The following IL17D variants were observed in gnomAD, a reference collection of about 807,000 sequenced individuals.
IL17D encodes interleukin-17D.
In IL17D, 10 loss-of-function variants were observed where a neutral mutation model predicts 5.7. The observed-to-expected ratio is 1.75, with a 90% CI of 1.08 to 2.97. The LOEUF (loss-of-function observed/expected upper bound fraction) is 2.97. IL17D is among the 30% of genes most tolerant of loss of function. The pLI, the probability that IL17D is intolerant of heterozygous loss-of-function variation, is 0.00. For missense variants in IL17D, 354 were observed against 292.7 expected (o/e 1.21, Z -1.53); for synonymous variants, 172 against 141.7 (o/e 1.21, Z -1.52).
chr13:20,718,574 C>T (rs2058699441), intron 1 of IL17D, among the ~76,000 whole-genome samples: 2 of 140,504 alleles, frequency 1.4e-5, no homozygotes, highest in Admixed American at 7.1e-5. Context: ...CCTGCCCATG[C>T]TCACACCTGC....
Position 20,723,015 on chromosome 13 carries a change from A to G in IL17D, c.*1061A>G, listed in dbSNP as rs1449948369. 6.6e-6 allele frequency: 1 copy of G among 152,196 alleles called. No homozygotes were observed. Among genetic ancestry groups the G allele is most frequent in the Non-Finnish European group, 1.5e-5 (1 of 68,048 alleles). The allele number at this position is 152,196 out of a possible 1,614,324, so 9.4% of individuals were successfully genotyped here. On this transcript the variant is annotated 3_prime_UTR_variant, in exon 2 of 2. Coordinates refer to ENST00000682841, the MANE Select transcript of IL17D (RefSeq NM_001385224.1). Reference sequence around the variant, plus strand: ...GAGCTAGGTCCTTGATCTTTTCTTTAGATTGAAAGTCTGTCTCTGAACACA... The same window carrying G: ...GAGCTAGGTCCTTGATCTTTTCTTTGGATTGAAAGTCTGTCTCTGAACACA...
intron 1 of IL17D, among the ~76,000 whole-genome samples, chr13:20,711,247 A>G (rs1046582901): frequency 6.7e-6 from 1 of 148,528 alleles, no homozygotes; most frequent in Non-Finnish European, 1.5e-5. Context: ...CTGAGCAACA[A>G]GAGTGAAACT....
chr13:20,721,845 G>T lies in IL17D; in HGVS notation c.500G>T (p.Cys167Phe). Residue 167 changes from cysteine (C) to phenylalanine (F), a missense_variant, in exon 2 of 2, where the codon TGC becomes TTC. Physicochemically the swap from Cys to Phe is radical, Grantham distance 205. Coordinates refer to ENST00000682841, the MANE Select transcript of IL17D (RefSeq NM_001385224.1). Reference protein sequence around the residue: ...TEAYVTIPVGCTCVPEPEKDA... With the variant: ...TEAYVTIPVGFTCVPEPEKDA... ...GCCTACGTCACCATCCCCGTGGGCT[G>T]CACCTGCGTCCCCGAGCCGGAGAAG... 1.9e-6 allele frequency: 3 copies of T among 1,610,514 alleles called. No homozygotes were observed. The highest frequency in any genetic ancestry group is 1.1e-5 in the South Asian group (1 of 91,052).
intron 1 of IL17D, among the ~76,000 whole-genome samples, chr13:20,720,723 A>AAAC (rs2058724833): frequency 6.6e-6 from 1 of 151,952 alleles, no homozygotes; most frequent in African/African-American, 2.4e-5. Flanking sequence ...CCCCACATTC[A>AAAC]AACAGTGGAC....
In IL17D at chr13:20,704,035, C is replaced by A; in HGVS notation, c.34C>A (p.Pro12Thr). 9.6e-7 allele frequency: 1 copy of A among 1,038,902 alleles called. No individual in the cohort carries two copies. Among genetic ancestry groups the A allele is most frequent in the African/African-American group, 1.7e-5 (1 of 57,726 alleles). 64.4% of individuals were successfully genotyped at this position (1,038,902 alleles called of 1,614,324 possible). A position where few individuals can be genotyped will look rare whatever the true frequency, so the allele number is the denominator to read the frequency against. The change falls in exon 1 of 2, where the codon CCG becomes ACG. Residue 12 changes from proline (P) to threonine (T), a missense_variant. Transcript: ENST00000682841. The part of the protein sequence containing the change: ...LVAGFLLALP[P>T]SWAAGAPRAG... ...AGCCGGCTTCCTGCTGGCGCTGCCG[C>A]CGAGCTGGGCCGCGGGCGCCCCGAG...
At position 20,722,304 on chromosome 13, in the gene IL17D, G is replaced by A. The variant is rs1303307307; in HGVS notation, c.*350G>A. The A allele has an allele frequency of 1.0e-5, 3 of 292,548 alleles. No homozygotes were observed. The highest frequency in any genetic ancestry group is 2.2e-5 in the African/African-American group (1 of 45,674). The allele number at this position is 292,548 out of a possible 1,614,324, so 18.1% of individuals were successfully genotyped here. A position where few individuals can be genotyped will look rare whatever the true frequency, so the allele number is the denominator to read the frequency against. Reference sequence around the variant, plus strand: ...GGTGCAGGGCGTGACTCACCGCTGGGTGCTTGCCAAAGAGATAGGGACGCA... The same window carrying A: ...GGTGCAGGGCGTGACTCACCGCTGGATGCTTGCCAAAGAGATAGGGACGCA... On this transcript the variant is annotated 3_prime_UTR_variant, in exon 2 of 2. Coordinates refer to ENST00000682841, the MANE Select transcript of IL17D (RefSeq NM_001385224.1).
chr13:20,720,876 C>G (rs372470955), intron 1 of IL17D, among the ~76,000 whole-genome samples: 2 of 18,326 alleles, frequency 1.1e-4, no homozygotes, highest in Non-Finnish European at 3.8e-4. Context: ...CCCTCCCAAC[C>G]CCCCCCCCCC....
chr13:20,721,901 A>T lies in IL17D; in HGVS notation c.556A>T (p.Lys186Ter). 1.2e-6 allele frequency: 2 copies of T among 1,607,494 alleles called. No homozygotes were observed. The highest frequency in any genetic ancestry group is 1.7e-6 in the Non-Finnish European group (2 of 1,179,134). Residue 186 changes from lysine to a stop codon, truncating the protein, a stop_gained, in exon 2 of 2, where the codon AAA (lysine) becomes TAA (stop). Transcript: ENST00000682841. LOFTEE classifies it low-confidence loss of function (END_TRUNC). ...DADSINSSID[K>*]QGAKLLLGPN... ...AGACAGCATCAACTCCAGCATCGAC[A>T]AACAGGGCGCCAAGCTCCTGCTGGG...
Position 20,722,155 on chromosome 13 carries a change from C to A in IL17D, c.*201C>A, listed in dbSNP as rs1161554685. On this transcript the variant is annotated 3_prime_UTR_variant, in exon 2 of 2. Transcript: ENST00000682841. ...TCCCTGGCTTGCTTTTAGCTACAAG[C>A]AAGCAGCGTGGCTGGAAGCTGATGG... 1.3e-5 allele frequency: 7 copies of A among 538,326 alleles called. No homozygotes were observed. The highest frequency in any genetic ancestry group is 1.0e-4 in the African/African-American group (5 of 49,900). 33.3% of individuals were successfully genotyped at this position (538,326 alleles called of 1,614,324 possible). A position where few individuals can be genotyped will look rare whatever the true frequency, so the allele number is the denominator to read the frequency against.
intron 1 of IL17D, among the ~76,000 whole-genome samples, chr13:20,718,745 C>A (rs1285420554): frequency 8.6e-6 from 1 of 116,090 alleles, no homozygotes. Flanking sequence ...CGCTCACACA[C>A]ACCTGCCTGT....
chr13:20,721,360 G>A (rs2058732560), intron 1 of IL17D, among the ~76,000 whole-genome samples: 1 of 152,232 alleles, frequency 6.6e-6, no homozygotes, highest in South Asian at 2.1e-4. Context: ...GTGGGCACCC[G>A]TGCAGGCGGC....
At chr13:20,720,676 C>T (rs942078809) in intron 1 of IL17D, among the ~76,000 whole-genome samples, 1 of 152,170 alleles carries the variant, frequency 6.6e-6, no homozygotes, top group Non-Finnish European at 1.5e-5. Context: ...CGACTGGAAG[C>T]CTTGGAGTCA....
At position 20,704,217 on chromosome 13, in the gene IL17D, G is replaced by A. The variant is rs1024640615; in HGVS notation, c.216G>A (p.Pro72=). 1.1e-5 allele frequency: 15 copies of A among 1,361,120 alleles called. 1 individual carries two copies. The highest frequency in any genetic ancestry group is 1.4e-5 in the Non-Finnish European group (15 of 1,053,180). The allele number at this position is 1,361,120 out of a possible 1,614,324, so 84.3% of individuals were successfully genotyped here. A position where few individuals can be genotyped will look rare whatever the true frequency, so the allele number is the denominator to read the frequency against. Reference sequence around the variant, plus strand: ...AGCAGGCGCGCAACGCGAGCTGCCCGGCAGGGGGCAGGCCCGCCGACCGCC... The same window carrying A: ...AGCAGGCGCGCAACGCGAGCTGCCCAGCAGGGGGCAGGCCCGCCGACCGCC... The part of the protein sequence containing the change: ...PREQARNASC[P]AGGRPADRRF... The change falls in exon 1 of 2, where the codon CCG becomes CCA. Residue 72 remains proline, a synonymous_variant. Coordinates refer to ENST00000682841, the MANE Select transcript of IL17D (RefSeq NM_001385224.1).
chr13:20,721,631 T>C lies in IL17D; in HGVS notation c.291-5T>C. 1 of 1,587,438 alleles carries C rather than the reference T, an allele frequency of 6.3e-7. No homozygotes were observed. On this transcript the variant is annotated splice_polypyrimidine_tract_variant and splice_region_variant and intron_variant, in intron 1 of 1. Coordinates refer to ENST00000682841, the MANE Select transcript of IL17D (RefSeq NM_001385224.1). ...CGTGACCTCACCCGTGCTCTCTCCC[T>C]GCAGAATCTCCTACGACCCGGCGAG...
Position 20,703,969 on chromosome 13 carries a change from G to A in IL17D, c.-33G>A. 3.0e-6 allele frequency: 3 copies of A among 1,001,480 alleles called. No individual in the cohort carries two copies. Among genetic ancestry groups the A allele is most frequent in the Non-Finnish European group, 3.6e-6 (3 of 841,820 alleles). The allele number at this position is 1,001,480 out of a possible 1,614,324, so 62.0% of individuals were successfully genotyped here. On this transcript the variant is annotated 5_prime_UTR_variant, in exon 1 of 2. Transcript: ENST00000682841. ...GCAGGCGGGCTCCTCCGGCGCGTGC[G>A]GACGCTGAGCGTGGCCTGTCCCTCA...
rs1339727487 is a variant in IL17D, at chr13:20,722,317, A to AGAT, written c.*364_*366dup. ...ACTCACCGCTGGGTGCTTGCCAAAG[A>AGAT]GATAGGGACGCATATGCTTTTTAAA... On this transcript the variant is annotated 3_prime_UTR_variant, in exon 2 of 2. Coordinates refer to ENST00000682841, the MANE Select transcript of IL17D (RefSeq NM_001385224.1). 1 of 267,790 alleles carries AGAT rather than the reference A, an allele frequency of 3.7e-6. No homozygotes were observed. Among genetic ancestry groups the AGAT allele is most frequent in the African/African-American group, 2.2e-5 (1 of 45,026 alleles). 16.6% of individuals were successfully genotyped at this position (267,790 alleles called of 1,614,324 possible).
Position 20,704,101 on chromosome 13 carries a change from C to A in IL17D, c.100C>A (p.Arg34=). The A allele has an allele frequency of 8.0e-7, 1 of 1,255,092 alleles. No homozygotes were observed. Among genetic ancestry groups the A allele is most frequent in the Non-Finnish European group, 1.0e-6 (1 of 989,128 alleles). 77.7% of individuals were successfully genotyped at this position (1,255,092 alleles called of 1,614,324 possible). A position where few individuals can be genotyped will look rare whatever the true frequency, so the allele number is the denominator to read the frequency against. The change falls in exon 1 of 2, where the codon CGG becomes AGG. Residue 34 remains arginine (R), a synonymous_variant. Transcript: ENST00000682841. ...CGCGCGGCCGCGGGGCTGCGCGGAC[C>A]GGCCGGAGGAGCTACTGGAGCAGCT... ...RPARPRGCAD[R]PEELLEQLYG... is the part of the protein sequence containing the mutation.
intron 1 of IL17D, among the ~76,000 whole-genome samples, chr13:20,718,312 C>T (rs1347706686): frequency 6.6e-6 from 1 of 152,104 alleles, no homozygotes; most frequent in Non-Finnish European, 1.5e-5. Flanking sequence ...TGCTGCATGC[C>T]GCGTGCGTGT....
At chr13:20,715,156 G>A (rs1314435588) in intron 1 of IL17D, among the ~76,000 whole-genome samples, 1 of 152,166 alleles carries the variant, frequency 6.6e-6, no homozygotes, top group Non-Finnish European at 1.5e-5. Context: ...CTTAAACATA[G>A]AGACCAACTG....
Sources: allele counts gnomAD v4.1 joint callset (sites outside exome capture counted in the v4.1 genomes callset), GRCh38; gene constraint gnomAD v4.1.1; transcripts MANE v1.5; gene names NCBI Gene and HGNC (gene_info 2026-07-23, HGNC 2026-07-21).